Variants in ADGB observed in about 807,000 individuals in gnomAD.
The protein encoded by ADGB is androglobin.
Under a neutral mutation model 210.5 loss-of-function variants are expected in ADGB, and 172 were observed. That is an observed-to-expected ratio of 0.82 (90% CI 0.72 to 0.93). The LOEUF (loss-of-function observed/expected upper bound fraction) is 0.93. ADGB is among the 40% of genes least tolerant of loss of function. The pLI, the probability that ADGB is intolerant of heterozygous loss-of-function variation, is 0.00. For missense variants in ADGB, 2,025 were observed against 1,964.8 expected, an observed-to-expected ratio of 1.03 and a Z score of -0.58; for synonymous variants, 658 against 662.7, an observed-to-expected ratio of 0.99 and a Z score of 0.11.
intron 13 of ADGB, among the ~76,000 whole-genome samples, chr6:146,703,305 A>AAT (rs1172703268): frequency 1.3e-5 from 2 of 151,816 alleles, no homozygotes; most frequent in Non-Finnish European, 2.9e-5. Flanking sequence ...GATGTTTTGA[A>AAT]ATATATATAT....
chr6:146,622,664 C>A (rs554113130), intron 1 of ADGB, among the ~76,000 whole-genome samples: 1 of 152,002 alleles, frequency 6.6e-6, no homozygotes, highest in Non-Finnish European at 1.5e-5. Context: ...TATTTTCTCT[C>A]AGTTTGTGGC....
intron 7 of ADGB, among the ~76,000 whole-genome samples, chr6:146,670,654 G>T (rs1030387941): frequency 1.3e-5 from 2 of 152,048 alleles, no homozygotes; most frequent in African/African-American, 2.4e-5. Context: ...TATCACTGTT[G>T]TTATTCTCTG....
At position 146,691,496 on chromosome 6, in the gene ADGB, A is replaced by ATTTTT. The variant is rs1228357224; in HGVS notation, c.1486+207_1486+208insTTTTT. On this transcript the variant is annotated intron_variant, in intron 11 of 35. Transcript: ENST00000397944. ...TATATAAATATATATATATATATAT[A>ATTTTT]TATATTTTTTTTTTTTTTTTTTTTT... 1.6e-3 allele frequency among the ~76,000 whole-genome samples: 26 copies of ATTTTT among 16,456 alleles called. 1 individual carries two copies. Among genetic ancestry groups the ATTTTT allele is most frequent in the African/African-American group, 1.8e-3 (4 of 2,284 alleles). The allele number at this position is 16,456 out of a possible 152,430, so 10.8% of individuals were successfully genotyped here.
intron 1 of ADGB, among the ~76,000 whole-genome samples, chr6:146,612,512 G>A (rs1019621150): frequency 2.6e-5 from 4 of 152,104 alleles, no homozygotes; most frequent in African/African-American, 4.8e-5. Flanking sequence ...TCACATTCAC[G>A]TGGTTTCTTT....
intron 23 of ADGB, among the ~76,000 whole-genome samples, chr6:146,737,537 G>C (rs1024494438): frequency 2.0e-5 from 3 of 152,174 alleles, no homozygotes; most frequent in African/African-American, 7.2e-5. Flanking sequence ...ACATTTTCAA[G>C]AGACTCTACA....
At chr6:146,674,347 G>T (rs1241382270) in intron 8 of ADGB, among the ~76,000 whole-genome samples, 1 of 152,060 alleles carries the variant, frequency 6.6e-6, no homozygotes, top group African/African-American at 2.4e-5. Flanking sequence ...ATCTAGTGAA[G>T]GAAAATTGGT....
intron 35 of ADGB, among the ~76,000 whole-genome samples, chr6:146,812,495 A>C (rs1778317392): frequency 1.3e-5 from 2 of 152,226 alleles, no homozygotes; most frequent in Admixed American, 6.5e-5. Flanking sequence ...TGGTGAGGCA[A>C]ATGGTTACAC....
chr6:146,702,366 A>G (rs1776502904), intron 13 of ADGB, among the ~76,000 whole-genome samples: 1 of 151,904 alleles, frequency 6.6e-6, no homozygotes, highest in African/African-American at 2.4e-5. Context: ...TAAATGCATA[A>G]TGTATTGACA....
intron 17 of ADGB, among the ~76,000 whole-genome samples, chr6:146,722,255 C>T (rs1446394910): frequency 6.6e-6 from 1 of 152,038 alleles, no homozygotes; most frequent in African/African-American, 2.4e-5. Context: ...ATTTCAAGCA[C>T]CCCACTCCCC....
intron 5 of ADGB, among the ~76,000 whole-genome samples, chr6:146,658,779 T>C (rs1775817605): frequency 6.6e-6 from 1 of 152,182 alleles, no homozygotes; most frequent in South Asian, 2.1e-4. Context: ...GGTCCAGTCA[T>C]TTAGCCCACC....
intron 5 of ADGB, among the ~76,000 whole-genome samples, chr6:146,658,187 G>T (rs1243247168): frequency 2.0e-5 from 3 of 152,116 alleles, no homozygotes; most frequent in Non-Finnish European, 2.9e-5. Context: ...AGGTAATATA[G>T]CTTCTAATAT....
intron 29 of ADGB, among the ~76,000 whole-genome samples, chr6:146,772,362 T>C (rs1777663012): frequency 6.7e-6 from 1 of 149,860 alleles, no homozygotes; most frequent in Non-Finnish European, 1.5e-5. Flanking sequence ...ATGTCTAATA[T>C]GGTGCAAAAG....
chr6:146,604,146 G>A (rs1171444511), intron 1 of ADGB, among the ~76,000 whole-genome samples: 1 of 152,132 alleles, frequency 6.6e-6, no homozygotes, highest in African/African-American at 2.4e-5. Context: ...TTAAAAGGTC[G>A]GTTGGAGCAA....
Position 146,815,249 on chromosome 6 carries a change from G to C in ADGB, c.*32G>C, listed in dbSNP as rs1778373176. 6.9e-7 allele frequency: 1 copy of C among 1,438,946 alleles called. No individual in the cohort carries two copies. Among genetic ancestry groups the C allele is most frequent in the Non-Finnish European group, 9.1e-7 (1 of 1,098,612 alleles). The allele number at this position is 1,438,946 out of a possible 1,614,324, so 89.1% of individuals were successfully genotyped here. A position where few individuals can be genotyped will look rare whatever the true frequency, so the allele number is the denominator to read the frequency against. ...GATGTCCAATACTACCCTGCTTCTG[G>C]AGAGAAAAAATCTATTTGTAATGAT... On this transcript the variant is annotated 3_prime_UTR_variant, in exon 36 of 36. Transcript: ENST00000397944.
chr6:146,726,540 G>A (rs891123351), intron 19 of ADGB, among the ~76,000 whole-genome samples: 2 of 152,078 alleles, frequency 1.3e-5, no homozygotes, highest in Non-Finnish European at 2.9e-5. Context: ...CAATTTTTAT[G>A]TGCTTTATTT....
At chr6:146,727,397 A>G (rs1316520037) in intron 19 of ADGB, among the ~76,000 whole-genome samples, 1 of 152,164 alleles carries the variant, frequency 6.6e-6, no homozygotes, top group East Asian at 1.9e-4. Flanking sequence ...CAGCCACAGC[A>G]AGATCACACA....
chr6:146,603,099 C>T (rs992913325), intron 1 of ADGB, among the ~76,000 whole-genome samples: 1 of 152,116 alleles, frequency 6.6e-6, no homozygotes, highest in Non-Finnish European at 1.5e-5. Context: ...CCCAAGGGCC[C>T]CATGTCCTAA....
At chr6:146,716,087 TACTTGGTAAATATAAA>T (rs1470878684) in intron 14 of ADGB, among the ~76,000 whole-genome samples, 3 of 151,404 alleles carry the variant, frequency 2.0e-5, no homozygotes, top group African/African-American at 7.3e-5. Context: ...TATGCCACAT[TACTTGGTAAATATAAA>T]ATAAGGCTCT....
intron 3 of ADGB, among the ~76,000 whole-genome samples, chr6:146,651,076 CACAG>C (rs1225286025): frequency 3.9e-5 from 6 of 152,194 alleles, no homozygotes; most frequent in Non-Finnish European, 2.9e-5. Flanking sequence ...GCTTTCCTCA[CACAG>C]ACAGAGAATG....
Sources: allele counts gnomAD v4.1 joint callset (sites outside exome capture counted in the v4.1 genomes callset), GRCh38; gene constraint gnomAD v4.1.1; transcripts MANE v1.5; gene names NCBI Gene and HGNC (gene_info 2026-07-23, HGNC 2026-07-21).